The following RNF150 variants were observed in gnomAD, a reference collection of about 807,000 sequenced individuals.
RNF150 encodes ring finger protein 150.
Under a neutral mutation model 39.3 loss-of-function variants are expected in RNF150, and 24 were observed. The ratio of observed to expected loss-of-function variants is 0.61; its 90% CI spans 0.44 to 0.86. RNF150 has a LOEUF of 0.86. Ranked by LOEUF, RNF150 falls within the 40% of genes least tolerant of loss-of-function variation. RNF150 has a pLI of 0.00. For missense variants in RNF150, 502 were observed against 587.8 expected (o/e 0.85, Z 1.51); for synonymous variants, 255 against 227.3 (o/e 1.12, Z -1.10).
At chr4:140,986,512 T>G (rs967430002) in intron 1 of RNF150, among the ~76,000 whole-genome samples, 1 of 152,120 alleles carries the variant, frequency 6.6e-6, no homozygotes, top group Non-Finnish European at 1.5e-5. Context: ...GCATCCACCA[T>G]CAACTCTTCT....
chr4:140,928,530 C>A (rs1474249622), intron 4 of RNF150, among the ~76,000 whole-genome samples: 1 of 152,168 alleles, frequency 6.6e-6, no homozygotes, highest in Non-Finnish European at 1.5e-5. Context: ...TGTTCAGGAT[C>A]TACGCTCTGT....
chr4:141,014,196 GC>G (rs2110759531), intron 1 of RNF150, among the ~76,000 whole-genome samples: 1 of 152,274 alleles, frequency 6.6e-6, no homozygotes, highest in African/African-American at 2.4e-5. Flanking sequence ...TGAAAAGTAT[GC>G]CATTATGTAC....
At chr4:140,878,164 GTTT>G (rs58338048) in intron 6 of RNF150, among the ~76,000 whole-genome samples, 14,883 of 89,914 alleles carry the variant, frequency 0.17, 831 homozygotes, top group East Asian at 0.37. Flanking sequence ...ATCTCATTGT[GTTT>G]TTTTTTTTTT....
At chr4:141,083,416 T>C (rs1738236593) in intron 1 of RNF150, among the ~76,000 whole-genome samples, 1 of 152,208 alleles carries the variant, frequency 6.6e-6, no homozygotes. Context: ...CTTGCCCTCC[T>C]CCTCTTCCTT....
intron 1 of RNF150, among the ~76,000 whole-genome samples, chr4:141,040,078 A>G (rs1452460632): frequency 1.3e-5 from 2 of 152,014 alleles, no homozygotes; most frequent in Non-Finnish European, 2.9e-5. Context: ...GCTGGAATAA[A>G]CTTAAACTTA....
intron 6 of RNF150, among the ~76,000 whole-genome samples, chr4:140,901,856 CA>C (rs1350560932): frequency 6.6e-6 from 1 of 152,112 alleles, no homozygotes. Context: ...TTGAAGGATA[CA>C]TAGGATTTGG....
intron 1 of RNF150, among the ~76,000 whole-genome samples, chr4:141,008,440 T>A (rs1487311751): frequency 6.6e-6 from 1 of 152,222 alleles, no homozygotes; most frequent in Non-Finnish European, 1.5e-5. Context: ...AATTTATTAA[T>A]CTTTTCATGG....
chr4:140,885,619 A>G lies in RNF150; in HGVS notation c.1199-17240T>C, dbSNP rs184249728. ...GCCCGGCTAGTTTTGTATTTTTAGT[A>G]GAGACGGGGTTTCTCCATGTTGGTC... On this transcript the variant is annotated intron_variant, in intron 6 of 6. Transcript: ENST00000515673. Among the ~76,000 whole-genome samples, 888 of 151,016 alleles carry G rather than the reference A, an allele frequency of 5.9e-3. 10 individuals carry two copies. The highest frequency in any genetic ancestry group is 0.021 in the African/African-American group (860 of 41,170).
chr4:141,181,176 G>A (rs2111188229), intron 1 of RNF150, among the ~76,000 whole-genome samples: 1 of 152,228 alleles, frequency 6.6e-6, no homozygotes. Flanking sequence ...TGTGGTACTT[G>A]TGGTGACTTG....
At chr4:140,957,182 C>T (rs916508127) in intron 2 of RNF150, among the ~76,000 whole-genome samples, 1 of 152,032 alleles carries the variant, frequency 6.6e-6, no homozygotes, top group African/African-American at 2.4e-5. Flanking sequence ...TATCCAGAAT[C>T]TACAATGAAC....
At chr4:141,144,095 A>C (rs150648838) in intron 1 of RNF150, among the ~76,000 whole-genome samples, 3 of 151,450 alleles carry the variant, frequency 2.0e-5, no homozygotes, top group Non-Finnish European at 4.4e-5. Context: ...GGCTCATAAT[A>C]AACCAAGTAG....
At chr4:141,006,434 C>A (rs1335575876) in intron 1 of RNF150, among the ~76,000 whole-genome samples, 1 of 152,068 alleles carries the variant, frequency 6.6e-6, no homozygotes, top group Non-Finnish European at 1.5e-5. Context: ...TCAACAAGAT[C>A]CCTGGGAAAG....
rs370169622 is a variant in RNF150 at position 140,911,149 on chromosome 4, G to A, written c.1193C>T (p.Thr398Ile). 9.5e-5 allele frequency: 153 copies of A among 1,612,126 alleles called. No individual in the cohort carries two copies. The highest frequency in any genetic ancestry group is 1.3e-4 in the Non-Finnish European group (148 of 1,178,250). Residue 398 changes from threonine (T) to isoleucine (I), a missense_variant, in exon 6 of 7, where the codon ACT (threonine) becomes ATT (isoleucine). Physicochemically the swap from Thr to Ile is moderately conservative, Grantham distance 89 (BLOSUM62 -1). Transcript: ENST00000515673. The stretch of plus-strand genomic sequence containing the variant: ...TTAAGTATGGCAGAACTCACTGTTA[G>A]TAGTAAAGATGACGTCTCCCTCCTG... ...IPQEGDVIFTTNSEQEPAVSS... is the reference protein window; with the variant it reads ...IPQEGDVIFTINSEQEPAVSS...
intron 1 of RNF150, among the ~76,000 whole-genome samples, chr4:141,208,035 A>G (rs933821031): frequency 6.6e-6 from 1 of 152,252 alleles, no homozygotes; most frequent in Non-Finnish European, 1.5e-5. Flanking sequence ...AAAGAATCAC[A>G]GGGAATCACC....
In RNF150 at chr4:141,132,858, G is replaced by T; in HGVS notation, c.-50C>A. On this transcript the variant is annotated 5_prime_UTR_variant, in exon 1 of 7. Coordinates refer to ENST00000515673, the MANE Select transcript of RNF150 (RefSeq NM_020724.2). The surrounding 1 kb of genome is among the most constrained non-coding windows in gnomAD (Gnocchi z 4.9). ...CGCCCCCGCGCCCTCCCTCCGTCCCGTCCCTCCTCCCCAGCCCCGGCCAAC... is the reference window on the plus strand; with the variant it reads ...CGCCCCCGCGCCCTCCCTCCGTCCCTTCCCTCCTCCCCAGCCCCGGCCAAC... The T allele has an allele frequency of 4.0e-6, 6 of 1,489,210 alleles. No individual in the cohort carries two copies. The highest frequency in any genetic ancestry group is 5.5e-6 in the Non-Finnish European group (6 of 1,082,696). 92.2% of individuals were successfully genotyped at this position (1,489,210 alleles called of 1,614,324 possible).
intron 6 of RNF150, among the ~76,000 whole-genome samples, chr4:140,879,300 T>C (rs575602925): frequency 7.2e-5 from 11 of 152,364 alleles, no homozygotes; most frequent in South Asian, 2.1e-4. Flanking sequence ...AAAGATTCCA[T>C]TGAATTTACA....
intron 1 of RNF150, among the ~76,000 whole-genome samples, chr4:141,026,576 G>C (rs1735705129): frequency 6.6e-6 from 1 of 152,152 alleles, no homozygotes; most frequent in Non-Finnish European, 1.5e-5. Flanking sequence ...GTAAATACTA[G>C]GATGAACAAA....
intron 1 of RNF150, among the ~76,000 whole-genome samples, chr4:141,158,465 A>G (rs1727454803): frequency 6.7e-6 from 1 of 148,420 alleles, no homozygotes; most frequent in Non-Finnish European, 1.5e-5. Context: ...ACTCTTTCAA[A>G]AAAAAAAAAA....
chr4:140,954,524 TAA>T (rs1732670079), intron 2 of RNF150, among the ~76,000 whole-genome samples: 1 of 152,206 alleles, frequency 6.6e-6, no homozygotes, highest in Non-Finnish European at 1.5e-5. Flanking sequence ...TGCTTCTTAC[TAA>T]AGCTTGTTAG....
Sources: gnomAD v4.1 joint callset for allele counts (sites outside exome capture counted in the v4.1 genomes callset) on GRCh38, gnomAD v4.1.1 for gene constraint, Gnocchi (gnomAD v3.1) non-coding constraint, MANE v1.5 for transcripts, NCBI Gene and HGNC (gene_info 2026-07-23, HGNC 2026-07-21) for gene names.